The following KIAA0586 variants were observed in gnomAD, a reference collection of about 807,000 sequenced individuals.
The protein encoded by KIAA0586 is protein TALPID3.
KIAA0586 carries 144 observed loss-of-function variants against 169.8 expected under a neutral mutation model. That is an observed-to-expected ratio of 0.85 (90% CI 0.74 to 0.97). The LOEUF (loss-of-function observed/expected upper bound fraction) is 0.97, where lower values mean the gene tolerates loss of function less well. KIAA0586 is among the 50% of genes least tolerant of loss of function. The pLI, the probability that KIAA0586 is intolerant of heterozygous loss-of-function variation, is 0.00. For synonymous variants in KIAA0586, 625 were observed against 612.4 expected, an observed-to-expected ratio of 1.02 and a Z score of -0.30; for missense variants, 1,854 against 1,823.0, an observed-to-expected ratio of 1.02 and a Z score of -0.31.
At chr14:58,535,081 CT>C (rs1193708431) in intron 29 of KIAA0586, among the ~76,000 whole-genome samples, 1 of 152,188 alleles carries the variant, frequency 6.6e-6, no homozygotes, top group Non-Finnish European at 1.5e-5. Flanking sequence ...GATTAGTTTC[CT>C]TGTTTGCACT....
intron 29 of KIAA0586, among the ~76,000 whole-genome samples, chr14:58,537,935 CCG>C (rs1244159543): frequency 1.3e-5 from 2 of 152,156 alleles, no homozygotes; most frequent in Non-Finnish European, 2.9e-5. Flanking sequence ...GCGTGAGCCA[CCG>C]CGCCTGGCCC....
Position 58,547,825 on chromosome 14 carries a change from A to G in KIAA0586, c.4540A>G (p.Lys1514Glu). The change falls in exon 31 of 31, where the codon AAG (lysine) becomes GAG (glutamate). Residue 1514 changes from lysine (K) to glutamate (E), a missense_variant. By Grantham distance (56) the Lys-to-Glu change is moderately conservative (BLOSUM62 1). Coordinates refer to ENST00000652326, the MANE Select transcript of KIAA0586 (RefSeq NM_001329943.3). ...CTCCGCTTCACAGATGCCCCCTGCCAAGATGTCAGTGATGCTGCCGTCAGT... is the reference window on the plus strand; with the variant it reads ...CTCCGCTTCACAGATGCCCCCTGCCGAGATGTCAGTGATGCTGCCGTCAGT... ...PLSASQMPPA[K>E]MSVMLPSVNL... 1 of 1,613,762 alleles carries G rather than the reference A, an allele frequency of 6.2e-7. No homozygotes were observed. Among genetic ancestry groups the G allele is most frequent in the Non-Finnish European group, 8.5e-7 (1 of 1,179,726 alleles).
chr14:58,491,973 A>T (rs911904032), intron 25 of KIAA0586, among the ~76,000 whole-genome samples, 171 bp from the exon 26 acceptor site: 3 of 152,216 alleles, frequency 2.0e-5, no homozygotes, highest in African/African-American at 7.2e-5. Context: ...GAGGGCTTTT[A>T]TTATAGACAA....
At chr14:58,464,152 A>G in intron 14 of KIAA0586, 1 of 389,356 alleles carries the variant, frequency 2.6e-6, no homozygotes, top group Non-Finnish European at 5.1e-6. Context: ...GATACCTGCC[A>G]CACAAAAGAG....
chr14:58,500,629 C>T lies in KIAA0586; in HGVS notation c.4168+1669C>T, dbSNP rs1051129663. Among the ~76,000 whole-genome samples the T allele has an allele frequency of 5.9e-5, 9 of 151,300 alleles. No individual in the cohort carries two copies. In the South Asian group the frequency reaches 8.3e-4, roughly 14 times the overall value. ...CTGAGGCAGAAGAATTGCTTGAACC[C>T]GGGAGGCTCAGAGGGCAGAGGGCAG... On this transcript the variant is annotated intron_variant, in intron 27 of 30. Transcript: ENST00000652326.
intron 30 of KIAA0586, among the ~76,000 whole-genome samples, chr14:58,544,485 C>A (rs957042201): frequency 6.6e-6 from 1 of 152,118 alleles, no homozygotes; most frequent in Non-Finnish European, 1.5e-5. Context: ...ACCCTCCTAC[C>A]AAGTGAATAA....
At chr14:58,435,524 A>C (rs2037754206) in intron 4 of KIAA0586, among the ~76,000 whole-genome samples, 1 of 152,104 alleles carries the variant, frequency 6.6e-6, no homozygotes, top group Non-Finnish European at 1.5e-5. Flanking sequence ...AACTATACTC[A>C]TCCTACTATA....
In KIAA0586 at chr14:58,474,558, A is replaced by T. The variant is rs780749388; in HGVS notation, c.2635-49A>T. ...CTTGCCTATAGTTGGTACTCAGTAA[A>T]TGTTGAACAAATACATGAATATAAT... On this transcript the variant is annotated intron_variant, in intron 18 of 30. Transcript: ENST00000652326. The T allele has an allele frequency of 8.3e-6, 11 of 1,325,804 alleles. No homozygotes were observed. In the South Asian group the frequency reaches 1.7e-4, roughly 20 times the overall value. 82.1% of individuals were successfully genotyped at this position (1,325,804 alleles called of 1,614,324 possible).
At chr14:58,511,941 C>G (rs924067145) in intron 28 of KIAA0586, among the ~76,000 whole-genome samples, 3 of 152,012 alleles carry the variant, frequency 2.0e-5, no homozygotes, top group African/African-American at 7.2e-5. Flanking sequence ...TGTGTGATTA[C>G]GAAGAGATTT....
rs77796363 is a variant in KIAA0586, at chr14:58,535,100, A to G, written c.4430-4971A>G. 1.7e-3 allele frequency among the ~76,000 whole-genome samples: 258 copies of G among 152,166 alleles called. 2 individuals carry two copies. Among genetic ancestry groups the G allele is most frequent in the African/African-American group, 5.7e-3 (236 of 41,540 alleles). ...AGTTTCCTTGTTTGCACTTCACATA[A>G]ATGAAATCATACGGTATGTATGGCT... On this transcript the variant is annotated intron_variant, in intron 29 of 30. Transcript: ENST00000652326.
intron 4 of KIAA0586, among the ~76,000 whole-genome samples, chr14:58,437,093 G>A (rs2037890558): frequency 6.6e-6 from 1 of 152,236 alleles, no homozygotes; most frequent in Non-Finnish European, 1.5e-5. Flanking sequence ...TGGCTCTGGA[G>A]TTTTCAGGGA....
intron 6 of KIAA0586, among the ~76,000 whole-genome samples, chr14:58,446,967 G>A (rs1251305334): frequency 6.6e-6 from 1 of 152,118 alleles, no homozygotes; most frequent in Non-Finnish European, 1.5e-5. Flanking sequence ...GATTCCTTAA[G>A]GAGTGGCTCC....
the KIAA0586 span, among the ~76,000 whole-genome samples, chr14:58,561,392 G>GT: frequency 3.3e-5 from 5 of 152,106 alleles, no homozygotes; most frequent in African/African-American, 7.2e-5. Context: ...ACACAGAAGG[G>GT]TTTTTTTGAT....
chr14:58,554,581 T>C (rs751034935), downstream of KIAA0586, among the ~76,000 whole-genome samples: 1 of 152,140 alleles, frequency 6.6e-6, no homozygotes, highest in Non-Finnish European at 1.5e-5. Context: ...CTGCATGAGC[T>C]CTGAGGAGGT....
chr14:58,471,626 T>C (rs1435999264), intron 17 of KIAA0586, among the ~76,000 whole-genome samples: 1 of 152,172 alleles, frequency 6.6e-6, no homozygotes, highest in Admixed American at 6.5e-5. Flanking sequence ...CATTTGTGCT[T>C]AATTGAATTT....
chr14:58,498,915 C>T lies in KIAA0586; in HGVS notation c.4123C>T (p.Gln1375Ter). The change falls in exon 27 of 31, where the codon CAA becomes TAA. Residue 1375 changes from glutamine (Q) to a stop codon, truncating the protein, a stop_gained. Coordinates refer to ENST00000652326, the MANE Select transcript of KIAA0586 (RefSeq NM_001329943.3). LOFTEE classifies it high-confidence loss of function. ...CACTAATACACAGTCTTTGGATCAACAATGTGATCCTAAACCATTATCTCG... is the reference window on the plus strand; with the variant it reads ...CACTAATACACAGTCTTTGGATCAATAATGTGATCCTAAACCATTATCTCG... ...PVTNTQSLDQ[Q>*]CDPKPLSRQF... 1.2e-6 allele frequency: 2 copies of T among 1,610,572 alleles called. No individual in the cohort carries two copies. Among genetic ancestry groups the T allele is most frequent in the South Asian group, 2.2e-5 (2 of 90,052 alleles).
At chr14:58,435,867 C>T (rs1482826554) in intron 4 of KIAA0586, among the ~76,000 whole-genome samples, 1 of 152,040 alleles carries the variant, frequency 6.6e-6, no homozygotes, top group Non-Finnish European at 1.5e-5. Context: ...GCCACCATGC[C>T]CGGCTGATTT....
In KIAA0586 at chr14:58,548,124, A is replaced by G. The variant is rs1178211473; in HGVS notation, c.*192A>G. The G allele has an allele frequency of 6.5e-6, 4 of 611,178 alleles. No individual in the cohort carries two copies. In the African/African-American group the frequency reaches 7.5e-5, roughly 11 times the overall value. The allele number at this position is 611,178 out of a possible 1,614,324, so 37.9% of individuals were successfully genotyped here. ...AAATAAAATAAGTATAAGTCATTATAAGTCTGATTGTGAGTTGTTTCTTAG... is the reference window on the plus strand; with the variant it reads ...AAATAAAATAAGTATAAGTCATTATGAGTCTGATTGTGAGTTGTTTCTTAG... On this transcript the variant is annotated 3_prime_UTR_variant, in exon 31 of 31. Transcript: ENST00000652326.
Position 58,549,316 on chromosome 14 carries a change from C to T in KIAA0586, c.*1384C>T, listed in dbSNP as rs2047146468. ...ACCAAGGGATTTCAATTTAATTGAT[C>T]TTGGATGGGGTCCAGCATTGGTATT... On this transcript the variant is annotated 3_prime_UTR_variant, in exon 31 of 31. Transcript: ENST00000652326. The T allele has an allele frequency of 6.6e-6, 1 of 150,734 alleles. No homozygotes were observed. Among genetic ancestry groups the T allele is most frequent in the South Asian group, 2.1e-4 (1 of 4,766 alleles). 9.3% of individuals were successfully genotyped at this position (150,734 alleles called of 1,614,324 possible).
Sources: allele counts gnomAD v4.1 joint callset (sites outside exome capture counted in the v4.1 genomes callset), GRCh38; gene constraint gnomAD v4.1.1; transcripts MANE v1.5; gene names NCBI Gene and HGNC (gene_info 2026-07-23, HGNC 2026-07-21).